Variants in CTNNA2 observed in about 807,000 individuals in gnomAD.
CTNNA2 encodes the protein catenin alpha-2.
Under a neutral mutation model 101.0 loss-of-function variants are expected in CTNNA2, and 42 were observed. The observed-to-expected ratio is 0.42, with a 90% confidence interval of 0.32 to 0.54. The LOEUF (loss-of-function observed/expected upper bound fraction) is 0.54, where lower values mean the gene tolerates loss of function less well. Among genes scored for constraint, CTNNA2 ranks in the 20% least tolerant of loss-of-function variants. The pLI, the probability that CTNNA2 is intolerant of heterozygous loss-of-function variation, is 0.14. For missense variants in CTNNA2, 871 were observed against 1,223.1 expected (o/e 0.71, Z 4.29); for synonymous variants, 450 against 456.4 (o/e 0.99, Z 0.18).
chr2:80,222,059 A>G (rs1226014057), intron 7 of CTNNA2, among the ~76,000 whole-genome samples: 2 of 152,178 alleles, frequency 1.3e-5, no homozygotes, highest in Non-Finnish European at 1.5e-5. Context: ...GACATGTAGA[A>G]TTATGGAGAG....
At chr2:79,645,754 C>A (rs958467571) in intron 1 of CTNNA2, among the ~76,000 whole-genome samples, 1 of 152,144 alleles carries the variant, frequency 6.6e-6, no homozygotes, top group Non-Finnish European at 1.5e-5. Context: ...ATTTTCAGAA[C>A]AAATCTTTTA....
intron 7 of CTNNA2, among the ~76,000 whole-genome samples, chr2:80,344,220 CT>C (rs1406894763): frequency 1.3e-5 from 2 of 152,004 alleles, no homozygotes; most frequent in Admixed American, 6.6e-5. Flanking sequence ...TCATGGATTT[CT>C]TTTTTTTCAT....
At chr2:80,108,184 A>C (rs1384943285) in intron 7 of CTNNA2, among the ~76,000 whole-genome samples, 2 of 152,244 alleles carry the variant, frequency 1.3e-5, no homozygotes, top group Non-Finnish European at 2.9e-5. Flanking sequence ...AATATCAAAT[A>C]AGAGGAGCCC....
chr2:79,461,426 T>G (rs1670876475), intron 4 of CTNNA2, among the ~76,000 whole-genome samples: 1 of 152,196 alleles, frequency 6.6e-6, no homozygotes, highest in East Asian at 1.9e-4. Flanking sequence ...GAATCTCACC[T>G]TTGACCTGGC....
chr2:79,278,200 G>T (rs1213026360), intron 2 of CTNNA2, among the ~76,000 whole-genome samples: 1 of 152,098 alleles, frequency 6.6e-6, no homozygotes, highest in Non-Finnish European at 1.5e-5. Context: ...CAAGAAAAGA[G>T]AAAGTTTACA....
intron 3 of CTNNA2, among the ~76,000 whole-genome samples, chr2:79,835,688 T>TTTTGTTTGTTTG (rs1679303060): frequency 3.0e-5 from 4 of 133,670 alleles, no homozygotes; most frequent in African/African-American, 8.9e-5. Flanking sequence ...TTTTTTTTTT[T>TTTTGTTTGTTTG]TTTTTTTTTT....
intron 1 of CTNNA2, among the ~76,000 whole-genome samples, chr2:79,536,574 A>ATGTGTGTGTGTGT (rs71245369): frequency 1.4e-5 from 2 of 146,714 alleles, no homozygotes; most frequent in Non-Finnish European, 3.0e-5. Context: ...TCTCTAAAGA[A>ATGTGTGTGTGTGT]GTGTGTGTGT....
chr2:80,462,631 C>CTTTTTTTTTTTTTTTTTTTTTTTT (rs753815778), intron 9 of CTNNA2, among the ~76,000 whole-genome samples: 7 of 94,766 alleles, frequency 7.4e-5, no homozygotes, highest in Admixed American at 2.6e-4. Context: ...TTCTTTCTTT[C>CTTTTTTTTTTTTTTTTTTTTTTTT]TTTTTTTTTT....
intron 1 of CTNNA2, among the ~76,000 whole-genome samples, chr2:79,582,937 G>A (rs1407564917): frequency 6.6e-6 from 1 of 151,964 alleles, no homozygotes; most frequent in Non-Finnish European, 1.5e-5. Context: ...TTCTGACCCT[G>A]TAGTTTTGTG....
intron 7 of CTNNA2, among the ~76,000 whole-genome samples, chr2:79,999,134 A>G (rs1345158339): frequency 6.6e-6 from 1 of 151,928 alleles, no homozygotes; most frequent in Non-Finnish European, 1.5e-5. Flanking sequence ...CTAGTTTTAG[A>G]GATTGAGATC....
At chr2:79,281,132 C>A (rs1174672564) in intron 2 of CTNNA2, among the ~76,000 whole-genome samples, 1 of 152,040 alleles carries the variant, frequency 6.6e-6, no homozygotes, top group Non-Finnish European at 1.5e-5. Flanking sequence ...GAAACAGGAA[C>A]TAAACCAAGA....
At chr2:79,966,195 G>T (rs1690044371) in intron 7 of CTNNA2, among the ~76,000 whole-genome samples, 1 of 151,916 alleles carries the variant, frequency 6.6e-6, no homozygotes, top group East Asian at 1.9e-4. Flanking sequence ...GCACTTGATG[G>T]TTATGTTCTC....
intron 7 of CTNNA2, among the ~76,000 whole-genome samples, chr2:80,181,978 G>A (rs1195864040): frequency 2.6e-5 from 4 of 152,076 alleles, no homozygotes; most frequent in Non-Finnish European, 5.9e-5. Flanking sequence ...ACCACTCTTG[G>A]TGACAACATC....
intron 7 of CTNNA2, among the ~76,000 whole-genome samples, chr2:80,158,146 C>T (rs549989718): frequency 5.1e-4 from 77 of 152,230 alleles, no homozygotes; most frequent in Non-Finnish European, 7.9e-4. Flanking sequence ...CTCTTCCACC[C>T]GATTAATTAT....
intron 6 of CTNNA2, among the ~76,000 whole-genome samples, chr2:79,902,863 G>T (rs1685157616): frequency 6.6e-6 from 1 of 152,036 alleles, no homozygotes; most frequent in Non-Finnish European, 1.5e-5. Context: ...CTGACCTTGT[G>T]ATCTGCCTGC....
intron 12 of CTNNA2, among the ~76,000 whole-genome samples, chr2:80,569,238 G>A (rs1046684704): frequency 5.9e-5 from 9 of 152,036 alleles, no homozygotes; most frequent in Admixed American, 2.0e-4. Context: ...AGAATGATGC[G>A]ACCTTGATTT....
chr2:80,240,509 A>G (rs1411596435), intron 7 of CTNNA2, among the ~76,000 whole-genome samples: 1 of 152,168 alleles, frequency 6.6e-6, no homozygotes, highest in East Asian at 1.9e-4. Flanking sequence ...TCTCTCGAGT[A>G]TAGCCCTGTG....
chr2:80,536,178 T>C lies in CTNNA2; in HGVS notation c.1291-8804T>C, dbSNP rs570135280. Among the ~76,000 whole-genome samples, 6 of 152,328 alleles carry C rather than the reference T, an allele frequency of 3.9e-5. No homozygotes were observed. The East Asian group carries it at 1.2e-3, about 29-fold the overall frequency. ...GCATATATGTTAACATCTTCGTGTGTACTAATTACATCAGCACAGATAAAT... is the reference window on the plus strand; with the variant it reads ...GCATATATGTTAACATCTTCGTGTGCACTAATTACATCAGCACAGATAAAT... On this transcript the variant is annotated intron_variant, in intron 9 of 18. Transcript: ENST00000402739.
At chr2:80,324,383 CTTTCCTGTGGAT>C (rs1474904325) in intron 7 of CTNNA2, among the ~76,000 whole-genome samples, 3 of 152,088 alleles carry the variant, frequency 2.0e-5, no homozygotes, top group African/African-American at 7.2e-5. Flanking sequence ...ATTTCTTCAG[CTTTCCTGTGGAT>C]TTGAGGTCGA....
Sources: gnomAD v4.1 joint callset for allele counts (sites outside exome capture counted in the v4.1 genomes callset) on GRCh38, gnomAD v4.1.1 for gene constraint, MANE v1.5 for transcripts, NCBI Gene and HGNC (gene_info 2026-07-23, HGNC 2026-07-21) for gene names.